The following N4BP2 variants were observed in gnomAD, a reference collection of about 807,000 sequenced individuals.
N4BP2 encodes NEDD4 binding protein 2, also known as NEDD4-binding protein 2.
N4BP2 carries 91 observed loss-of-function variants against 152.8 expected under a neutral mutation model. The observed-to-expected ratio is 0.60, with a 90% CI of 0.50 to 0.71. N4BP2 has a LOEUF of 0.71. Among genes scored for constraint, N4BP2 ranks in the 30% least tolerant of loss-of-function variants. The probability of loss-of-function intolerance (pLI) is 0.00; values close to 1 mark genes in which losing one functional copy is unlikely to be tolerated. For missense variants in N4BP2, 1,923 were observed against 2,059.1 expected (o/e 0.93, Z 1.28); for synonymous variants, 646 against 705.3 (o/e 0.92, Z 1.33).
rs1264002961 is a variant in N4BP2, at chr4:40,128,499, A to G, written c.4527+2169A>G. Among the ~76,000 whole-genome samples, 4 of 151,520 alleles carry G rather than the reference A, an allele frequency of 2.6e-5. No individual in the cohort carries two copies. The East Asian group carries it at 5.8e-4, about 22-fold the overall frequency. ...GTCAAATAGCCTCTTCAATTAATAT[A>G]TGTATTAATTTGAGGCAATGAATTT... On this transcript the variant is annotated intron_variant, in intron 12 of 17. Coordinates refer to ENST00000261435, the MANE Select transcript of N4BP2 (RefSeq NM_018177.6).
chr4:40,077,556 C>T (rs1336396845), intron 2 of N4BP2, among the ~76,000 whole-genome samples: 3 of 151,544 alleles, frequency 2.0e-5, no homozygotes, highest in African/African-American at 4.9e-5. Flanking sequence ...CGGATTCAAG[C>T]GATTCTCCTG....
intron 4 of N4BP2, among the ~76,000 whole-genome samples, chr4:40,104,261 T>TTC: frequency 7.2e-6 from 1 of 138,784 alleles, no homozygotes; most frequent in African/African-American, 2.7e-5. Flanking sequence ...TTGCTAGTTC[T>TTC]TTTTTTTTTT....
chr4:40,176,050 A>G, the N4BP2 span, among the ~76,000 whole-genome samples: 1 of 150,094 alleles, frequency 6.7e-6, no homozygotes, highest in Non-Finnish European at 1.5e-5. Context: ...AGATCGGGCC[A>G]CTGCAATCCA....
At chr4:40,073,859 C>T (rs1044184922) in intron 2 of N4BP2, among the ~76,000 whole-genome samples, 2 of 152,104 alleles carry the variant, frequency 1.3e-5, no homozygotes, top group Admixed American at 1.3e-4. Flanking sequence ...ATGGCATGAT[C>T]TCAGCTCACT....
At chr4:40,100,047 G>T (rs1353731673) in intron 3 of N4BP2, 1 of 454,842 alleles carries the variant, frequency 2.2e-6, no homozygotes, top group South Asian at 1.6e-5. Context: ...GAACTTAATT[G>T]GGTGCTTACT....
At chr4:40,095,857 G>A (rs1715061299) in intron 2 of N4BP2, among the ~76,000 whole-genome samples, 1 of 152,160 alleles carries the variant, frequency 6.6e-6, no homozygotes, top group Non-Finnish European at 1.5e-5. Flanking sequence ...TTTTCTCTGA[G>A]TGATATGGAG....
At chr4:40,080,386 G>T (rs1213703258) in intron 2 of N4BP2, among the ~76,000 whole-genome samples, 4 of 148,426 alleles carry the variant, frequency 2.7e-5, no homozygotes, top group Non-Finnish European at 5.9e-5. Context: ...GTCTTGCTCT[G>T]TTGCCAGGCT....
intron 4 of N4BP2, among the ~76,000 whole-genome samples, chr4:40,106,381 A>G (rs750837199): frequency 4.9e-4 from 74 of 151,934 alleles, no homozygotes; most frequent in Non-Finnish European, 5.9e-4. Context: ...CAGTGGTGCA[A>G]CCTTGGCTCA....
the N4BP2 span, among the ~76,000 whole-genome samples, chr4:40,168,975 C>A: frequency 6.6e-6 from 1 of 152,120 alleles, no homozygotes; most frequent in Non-Finnish European, 1.5e-5. Context: ...ATCCGCCCAC[C>A]TCTGCCTCCC....
At chr4:40,093,325 G>A (rs67026895) in intron 2 of N4BP2, among the ~76,000 whole-genome samples, 54,075 of 151,940 alleles carry the variant, frequency 0.36, 10,012 homozygotes, top group South Asian at 0.52. Flanking sequence ...TATGGTGGGG[G>A]CTTAGATTAT....
At chr4:40,149,668 G>A (rs568723820) in intron 16 of N4BP2, among the ~76,000 whole-genome samples, 30 of 152,138 alleles carry the variant, frequency 2.0e-4, no homozygotes, top group African/African-American at 6.7e-4. Context: ...GCCGAGGCTG[G>A]CGGATCACGA....
chr4:40,093,724 C>T (rs1347705264), intron 2 of N4BP2, among the ~76,000 whole-genome samples: 1 of 152,100 alleles, frequency 6.6e-6, no homozygotes, highest in Non-Finnish European at 1.5e-5. Context: ...TCAAACGATT[C>T]TCCTGCTTCT....
chr4:40,143,219 C>A (rs1464644163), intron 15 of N4BP2, among the ~76,000 whole-genome samples: 1 of 152,248 alleles, frequency 6.6e-6, no homozygotes, highest in East Asian at 1.9e-4. Flanking sequence ...GGTAATATAT[C>A]ACTTTCATAG....
the N4BP2 span, among the ~76,000 whole-genome samples, chr4:40,188,523 T>G: frequency 6.6e-6 from 1 of 151,928 alleles, no homozygotes; most frequent in African/African-American, 2.4e-5. Flanking sequence ...GGCAGGCGGA[T>G]CCCTTGAGCC....
intron 16 of N4BP2, among the ~76,000 whole-genome samples, chr4:40,146,446 G>A (rs1720527579): frequency 1.3e-5 from 2 of 152,042 alleles, no homozygotes; most frequent in Admixed American, 1.3e-4. Context: ...TTTTGGCCAA[G>A]AATTGAGCCA....
the N4BP2 span, among the ~76,000 whole-genome samples, chr4:40,168,106 G>A: frequency 6.6e-6 from 1 of 151,082 alleles, no homozygotes; most frequent in African/African-American, 2.4e-5. Flanking sequence ...AATTATAAGA[G>A]GAAACAAAGG....
intron 7 of N4BP2, among the ~76,000 whole-genome samples, chr4:40,116,428 T>G (rs1717339957): frequency 6.6e-6 from 1 of 152,180 alleles, no homozygotes; most frequent in Non-Finnish European, 1.5e-5. Flanking sequence ...TCATGCCTTA[T>G]TTAAAATTTT....
At chr4:40,059,116 G>A (rs936033042) in intron 1 of N4BP2, among the ~76,000 whole-genome samples, 1 of 151,866 alleles carries the variant, frequency 6.6e-6, no homozygotes, top group Non-Finnish European at 1.5e-5. Flanking sequence ...CACCACGCCC[G>A]CCCGGCCGTT....
At chr4:40,174,672 C>T in the N4BP2 span, among the ~76,000 whole-genome samples, 10 of 151,888 alleles carry the variant, frequency 6.6e-5, no homozygotes, top group East Asian at 5.8e-4. Context: ...TGTAGTGGTG[C>T]GCACCTGTCA....
Sources: gnomAD v4.1 joint callset for allele counts (sites outside exome capture counted in the v4.1 genomes callset) on GRCh38, gnomAD v4.1.1 for gene constraint, MANE v1.5 for transcripts, NCBI Gene and HGNC (gene_info 2026-07-23, HGNC 2026-07-21) for gene names.